FABP6: variants seen among roughly 807,000 people sequenced by gnomAD.
FABP6 encodes the protein gastrotropin.
FABP6 carries 13 observed loss-of-function variants against 14.9 expected under a neutral mutation model. The observed-to-expected ratio is 0.87, with a 90% confidence interval of 0.57 to 1.39. The LOEUF (loss-of-function observed/expected upper bound fraction) is 1.39. Among genes scored for constraint, FABP6 ranks in the 40% most tolerant of loss-of-function variants. The pLI is 0.00. For synonymous variants in FABP6, 75 were observed against 63.6 expected (o/e 1.18, Z -0.85); for missense variants, 161 against 167.2 (o/e 0.96, Z 0.20).
chr5:160,208,552 A>T (rs746352798), intron 2 of FABP6, among the ~76,000 whole-genome samples: 7 of 152,248 alleles, frequency 4.6e-5, no homozygotes, highest in Non-Finnish European at 1.0e-4. Flanking sequence ...TGATAGGATC[A>T]TGAAGACTCT....
intron 3 of FABP6, among the ~76,000 whole-genome samples, chr5:160,214,502 C>T (rs900368764): frequency 1.9e-4 from 28 of 150,928 alleles, no homozygotes; most frequent in Non-Finnish European, 3.5e-4. Context: ...TTTGTAGAGA[C>T]GGGGTCTCCC....
rs141694707 is a variant in FABP6, at chr5:160,213,131, C to T, written c.52-605C>T. 7.6e-3 allele frequency among the ~76,000 whole-genome samples: 1,152 copies of T among 152,266 alleles called. 11 individuals are homozygous for T. Among genetic ancestry groups the T allele is most frequent in the African/African-American group, 0.025 (1,052 of 41,550 alleles). On this transcript the variant is annotated intron_variant, in intron 2 of 6. Transcript: ENST00000393980. ...GGTCGAGATGGTTGGTACCACATGA[C>T]GCTTTTGGTGGGATCAAGCATCTGT...
chr5:160,229,649 T>G (rs781284616), intron 1 of FABP6, 25 bp downstream of exon 1: 6 of 1,612,070 alleles, frequency 3.7e-6, no homozygotes, highest in Non-Finnish European at 5.1e-6. Flanking sequence ...GGGTATCCCT[T>G]CCTCGGGGTT....
At chr5:160,231,571 T>A (rs188380190) in intron 1 of FABP6, among the ~76,000 whole-genome samples, 1 of 152,224 alleles carries the variant, frequency 6.6e-6, no homozygotes, top group East Asian at 1.9e-4. Context: ...TTTTTTTGTA[T>A]TTTTAGTAGA....
In FABP6 at chr5:160,233,226, C is replaced by A. The variant is rs542306885; in HGVS notation, c.243+953C>A. 4.1e-4 allele frequency among the ~76,000 whole-genome samples: 63 copies of A among 152,050 alleles called. No individual in the cohort carries two copies. The Middle Eastern group carries it at 0.01, about 25-fold the overall frequency. On this transcript the variant is annotated intron_variant, in intron 2 of 3. Coordinates refer to ENST00000402432, the MANE Select transcript of FABP6 (RefSeq NM_001445.3). ...CAAACTCCTGACCTTGTGATCCGCC[C>A]ACCTTGACCTCCTAAAGTGCTGGGA... is the stretch of plus-strand genomic sequence containing the variant.
chr5:160,232,342 CT>C, intron 2 of FABP6, 69 bp downstream of exon 2: 1 of 1,443,648 alleles, frequency 6.9e-7, no homozygotes, highest in South Asian at 1.4e-5. Context: ...CAAACATGGC[CT>C]CCCCGCTCCC....
upstream of FABP6, among the ~76,000 whole-genome samples, chr5:160,226,375 A>C: frequency 6.6e-6 from 1 of 151,842 alleles, no homozygotes; most frequent in East Asian, 1.9e-4. Flanking sequence ...AGCCTCGCCA[A>C]CATGGAAAAC....
chr5:160,226,290 C>T (rs1053670864), upstream of FABP6, among the ~76,000 whole-genome samples: 8 of 150,564 alleles, frequency 5.3e-5, no homozygotes, highest in African/African-American at 1.5e-4. Context: ...AGGCCGAGCG[C>T]GGTGGCTCAC....
chr5:160,234,490 G>A (rs775672947), intron 2 of FABP6, among the ~76,000 whole-genome samples: 15 of 137,510 alleles, frequency 1.1e-4, no homozygotes, highest in East Asian at 2.2e-4. Flanking sequence ...GCAGTGCCAC[G>A]ATCTCTGCTC....
intron 3 of FABP6, among the ~76,000 whole-genome samples, chr5:160,217,195 G>A (rs954099770): frequency 1.3e-5 from 2 of 152,180 alleles, no homozygotes; most frequent in African/African-American, 4.8e-5. Flanking sequence ...AGCAAGTTTT[G>A]TTGAGGGCAG....
intron 3 of FABP6, among the ~76,000 whole-genome samples, chr5:160,214,107 CT>C (rs1483089466): frequency 1.5e-5 from 2 of 132,094 alleles, no homozygotes; most frequent in Admixed American, 7.6e-5. Context: ...TTCTTTCTTT[CT>C]TTCTTTCTTT....
chr5:160,229,813 CTT>C (rs544347894), intron 1 of FABP6, among the ~76,000 whole-genome samples, 189 bp downstream of exon 1: 172 of 151,242 alleles, frequency 1.1e-3, no homozygotes, highest in Non-Finnish European at 2.3e-3. Context: ...CTAAGACACT[CTT>C]TAACTTTTTT....
intron 2 of FABP6, among the ~76,000 whole-genome samples, chr5:160,211,893 C>T (rs1759898344): frequency 6.6e-6 from 1 of 151,870 alleles, no homozygotes; most frequent in Non-Finnish European, 1.5e-5. Context: ...CAAACAGAAA[C>T]ATAAGGCAGG....
chr5:160,196,222 G>A (rs115283545), intron 1 of FABP6, among the ~76,000 whole-genome samples: 20 of 152,326 alleles, frequency 1.3e-4, no homozygotes, highest in Middle Eastern at 3.4e-3. Flanking sequence ...CTCACTCCAC[G>A]GGGAGACCTG....
At chr5:160,226,983 C>CATGTACAG (rs1451695417), upstream of FABP6, among the ~76,000 whole-genome samples, 2 of 152,180 alleles carry the variant, frequency 1.3e-5, no homozygotes. Flanking sequence ...AATAATCTGA[C>CATGTACAG]ATGTACAGTG....
chr5:160,223,622 C>T (rs1193959161), intron 3 of FABP6, among the ~76,000 whole-genome samples: 2 of 150,948 alleles, frequency 1.3e-5, no homozygotes, highest in South Asian at 2.1e-4. Flanking sequence ...GATTTTTTGT[C>T]TCACTATATT....
upstream of FABP6, among the ~76,000 whole-genome samples, chr5:160,225,829 AAAC>A (rs1167171274): frequency 2.0e-5 from 3 of 152,206 alleles, no homozygotes; most frequent in Non-Finnish European, 4.4e-5. Context: ...ATAAGAAAGA[AAAC>A]AATAATGAGG....
intron 3 of FABP6, among the ~76,000 whole-genome samples, chr5:160,236,881 C>T (rs1760528602): frequency 6.6e-6 from 1 of 151,682 alleles, no homozygotes; most frequent in Admixed American, 6.6e-5. Context: ...ACTTAGGAGG[C>T]TGAGGCAGGA....
At chr5:160,194,722 G>A (rs1759476105) in intron 1 of FABP6, among the ~76,000 whole-genome samples, 1 of 151,870 alleles carries the variant, frequency 6.6e-6, no homozygotes, top group Non-Finnish European at 1.5e-5. Context: ...TTACCTCCAG[G>A]CCTTTCCTGA....
Sources: allele counts gnomAD v4.1 joint callset (sites outside exome capture counted in the v4.1 genomes callset), GRCh38; gene constraint gnomAD v4.1.1; transcripts MANE v1.5; gene names NCBI Gene and HGNC (gene_info 2026-07-23, HGNC 2026-07-21).